SH2D4A: variants seen among roughly 807,000 people sequenced by gnomAD.
SH2D4A encodes the protein SH2 domain-containing protein 4A.
SH2D4A carries 70 observed loss-of-function variants against 64.7 expected under a neutral mutation model. That is an observed-to-expected ratio of 1.08 (90% confidence interval 0.89 to 1.32). SH2D4A has a LOEUF of 1.32. Ranked by LOEUF, SH2D4A falls within the 40% of genes most tolerant of loss-of-function variation. The pLI is 0.00. For missense variants in SH2D4A, 706 were observed against 540.1 expected, an observed-to-expected ratio of 1.31 and a Z score of -3.04; for synonymous variants, 268 against 200.7, an observed-to-expected ratio of 1.34 and a Z score of -2.83.
At chr8:19,359,146 T>G (rs191653167) in intron 5 of SH2D4A, among the ~76,000 whole-genome samples, 2 of 152,336 alleles carry the variant, frequency 1.3e-5, no homozygotes, top group East Asian at 3.9e-4. Context: ...GTTTTCTAGC[T>G]TTCTTGAATA....
intron 4 of SH2D4A, among the ~76,000 whole-genome samples, chr8:19,338,032 C>T (rs1343964): frequency 1.3e-5 from 2 of 152,154 alleles, no homozygotes; most frequent in Non-Finnish European, 2.9e-5. Flanking sequence ...TGATTTCTGA[C>T]TCTAGTCTCC....
rs748698007 is a variant in SH2D4A at position 19,361,334 on chromosome 8, C to T, written c.706+20C>T. The T allele has an allele frequency of 5.1e-6, 8 of 1,579,446 alleles. No homozygotes were observed. The stretch of plus-strand genomic sequence containing the variant: ...CATCTCGTGAGTACCCAGAGGTCTC[C>T]ATAGCACCTTCCAGGCTCTCAGCTG... On this transcript the variant is annotated intron_variant, in intron 6 of 9. Transcript: ENST00000265807.
chr8:19,324,676 C>T (rs892631854), intron 2 of SH2D4A, among the ~76,000 whole-genome samples: 1 of 152,124 alleles, frequency 6.6e-6, no homozygotes, highest in Non-Finnish European at 1.5e-5. Context: ...TATCTGTATT[C>T]CCCAGGGGGT....
intron 6 of SH2D4A, among the ~76,000 whole-genome samples, chr8:19,363,183 C>G (rs963195950): frequency 2.0e-5 from 3 of 152,144 alleles, no homozygotes; most frequent in African/African-American, 7.2e-5. Flanking sequence ...TCAAGGGATT[C>G]TCCCGCCTCA....
At chr8:19,341,609 G>A (rs567882501) in intron 4 of SH2D4A, among the ~76,000 whole-genome samples, 9 of 152,204 alleles carry the variant, frequency 5.9e-5, no homozygotes, top group Admixed American at 3.3e-4. Flanking sequence ...TTGGGAGGCC[G>A]AGGCAGATGG....
Position 19,393,517 on chromosome 8 carries a change from G to A in SH2D4A, c.1248G>A (p.Leu416=). ...LGVDQLQHAT[L]ADLVEYHKEE... is the part of the protein sequence containing the mutation. ...TGGACCAGCTACAGCATGCCACCTT[G>A]GCGGATTTGGTGGAATATCACAAGG... The change falls in exon 9 of 10, where the codon TTG becomes TTA. Residue 416 remains leucine (L), a synonymous_variant. Coordinates refer to ENST00000265807, the MANE Select transcript of SH2D4A (RefSeq NM_022071.4). 3 of 1,614,214 alleles carry A rather than the reference G, an allele frequency of 1.9e-6. No homozygotes were observed. The highest frequency in any genetic ancestry group is 1.1e-5 in the South Asian group (1 of 91,080).
At chr8:19,335,149 G>T (rs556764252) in intron 4 of SH2D4A, among the ~76,000 whole-genome samples, 5 of 151,974 alleles carry the variant, frequency 3.3e-5, no homozygotes, top group African/African-American at 4.8e-5. Flanking sequence ...TTAGCTGGGC[G>T]TGGTGGCGGG....
At chr8:19,379,684 C>T (rs1266458683) in intron 8 of SH2D4A, among the ~76,000 whole-genome samples, 1 of 152,182 alleles carries the variant, frequency 6.6e-6, no homozygotes, top group Non-Finnish European at 1.5e-5. Context: ...ACCAGCAGTG[C>T]ACAAGAATTT....
chr8:19,387,645 G>C (rs2053413001), intron 8 of SH2D4A, among the ~76,000 whole-genome samples: 1 of 152,152 alleles, frequency 6.6e-6, no homozygotes, highest in Non-Finnish European at 1.5e-5. Context: ...CCAAGGGAAA[G>C]TAAGTAAGTA....
At chr8:19,381,571 GT>G (rs2053293239) in intron 8 of SH2D4A, among the ~76,000 whole-genome samples, 1 of 152,070 alleles carries the variant, frequency 6.6e-6, no homozygotes, top group Non-Finnish European at 1.5e-5. Flanking sequence ...AATCTTTCTG[GT>G]TTTCTACATA....
chr8:19,323,328 T>A (rs1656919274), intron 2 of SH2D4A, among the ~76,000 whole-genome samples: 1 of 152,064 alleles, frequency 6.6e-6, no homozygotes, highest in Non-Finnish European at 1.5e-5. Context: ...GAACTGATGA[T>A]ATTTTGTATA....
chr8:19,382,369 T>A (rs1332351834), intron 8 of SH2D4A, among the ~76,000 whole-genome samples: 1 of 152,176 alleles, frequency 6.6e-6, no homozygotes, highest in African/African-American at 2.4e-5. Flanking sequence ...TGGTTTGACT[T>A]AAGATTTTTC....
At position 19,364,200 on chromosome 8, in the gene SH2D4A, G is replaced by A. The variant is rs1242741231; in HGVS notation, c.835G>A (p.Val279Ile). Reference sequence around the variant, plus strand: ...TGAGAGGCTGCAAAGCCCCTTGCGTGTTCCGCAGAAACCAGAAAGACCTCC... The same window carrying A: ...TGAGAGGCTGCAAAGCCCCTTGCGTATTCCGCAGAAACCAGAAAGACCTCC... ...GGERLQSPLR[V>I]PQKPERPPLP... The change falls in exon 7 of 10, where the codon GTT becomes ATT. Residue 279 changes from valine to isoleucine, a missense_variant. Physicochemically the swap from Val to Ile is conservative, Grantham distance 29. Transcript: ENST00000265807. 5 of 1,614,186 alleles carry A rather than the reference G, an allele frequency of 3.1e-6. No homozygotes were observed. In the South Asian group the frequency reaches 5.5e-5, roughly 18 times the overall value.
intron 8 of SH2D4A, among the ~76,000 whole-genome samples, chr8:19,384,433 C>G (rs1422769965): frequency 2.0e-5 from 3 of 152,218 alleles, no homozygotes; most frequent in African/African-American, 7.2e-5. Flanking sequence ...CACCCTTTAT[C>G]TCTTCTTATC....
chr8:19,363,363 C>T (rs565557008), intron 6 of SH2D4A, among the ~76,000 whole-genome samples: 8 of 152,220 alleles, frequency 5.3e-5, no homozygotes, highest in African/African-American at 1.9e-4. Context: ...AGGTATGAGC[C>T]ACTGTGCCCG....
rs2053491329 is a variant in SH2D4A at position 19,391,445 on chromosome 8, G to C, written c.1049-1873G>C. Among the ~76,000 whole-genome samples the C allele has an allele frequency of 2.6e-5, 4 of 152,288 alleles. No individual in the cohort carries two copies. The South Asian group carries it at 8.3e-4, about 32-fold the overall frequency. ...AGCGACTGGACATGATACATGCAAT[G>C]CATGTGCATCAGTCGTCTGCTGGGA... On this transcript the variant is annotated intron_variant, in intron 8 of 9. Transcript: ENST00000265807.
At position 19,323,604 on chromosome 8, in the gene SH2D4A, T is replaced by G. The variant is rs2052226722; in HGVS notation, c.181+3876T>G. On this transcript the variant is annotated intron_variant, in intron 2 of 9. Transcript: ENST00000265807. ...CCATGTTGGCTAGGCTGGTCTCAAA[T>G]TCCTGACCTTAGGTGATCCACCTGC... Among the ~76,000 whole-genome samples the G allele has an allele frequency of 4.6e-5, 7 of 152,212 alleles. No individual in the cohort carries two copies. The South Asian group carries it at 1.4e-3, about 32-fold the overall frequency.
chr8:19,359,136 G>C (rs2052839857), intron 5 of SH2D4A, among the ~76,000 whole-genome samples: 1 of 152,142 alleles, frequency 6.6e-6, no homozygotes, highest in Non-Finnish European at 1.5e-5. Context: ...AGTTCCTTAC[G>C]TTTTCTAGCT....
rs139379551 is a variant in SH2D4A at position 19,343,711 on chromosome 8, T to C, written c.513+8854T>C. On this transcript the variant is annotated intron_variant, in intron 4 of 9. Coordinates refer to ENST00000265807, the MANE Select transcript of SH2D4A (RefSeq NM_022071.4). ...CTGCATCAGTCATTCTCTGAGCAAA[T>C]ATCCGTCAAGGTTTAATCTGTGTAA... Among the ~76,000 whole-genome samples the C allele has an allele frequency of 1.4e-4, 22 of 152,260 alleles. No individual in the cohort carries two copies. The East Asian group carries it at 4.2e-3, about 29-fold the overall frequency.
Sources: gnomAD v4.1 joint callset for allele counts (sites outside exome capture counted in the v4.1 genomes callset) on GRCh38, gnomAD v4.1.1 for gene constraint, MANE v1.5 for transcripts, NCBI Gene and HGNC (gene_info 2026-07-23, HGNC 2026-07-21) for gene names.